The following KALRN variants were observed in gnomAD, a reference collection of about 807,000 sequenced individuals.
KALRN encodes the protein kalirin RhoGEF kinase, also known as kalirin.
A neutral mutation model predicts 353.7 loss-of-function variants in KALRN; 70 were observed. The ratio of observed to expected loss-of-function variants is 0.20; its 90% confidence interval spans 0.16 to 0.24. KALRN has a LOEUF of 0.24. Ranked by LOEUF, KALRN falls within the 10% of genes least tolerant of loss-of-function variation. The pLI is 1.00. For missense variants in KALRN, 2,791 were observed against 3,756.7 expected, an observed-to-expected ratio of 0.74 and a Z score of 6.72; for synonymous variants, 1,391 against 1,434.8, an observed-to-expected ratio of 0.97 and a Z score of 0.69.
chr3:124,264,389 AAG>A (rs545247502), intron 3 of KALRN, 107 bp from the exon 4 acceptor site: 5 of 872,620 alleles, frequency 5.7e-6, no homozygotes, highest in Non-Finnish European at 8.8e-6. Context: ...ATGAAGTTGA[AAG>A]AGTGATTCTG....
chr3:124,612,698 TTTC>T (rs2078136338), intron 34 of KALRN, among the ~76,000 whole-genome samples: 1 of 152,126 alleles, frequency 6.6e-6, no homozygotes, highest in South Asian at 2.1e-4. Context: ...CATTTGTTAG[TTTC>T]TTATCTGACT....
chr3:124,482,439 C>G (rs2062079096), intron 27 of KALRN, among the ~76,000 whole-genome samples: 4 of 152,262 alleles, frequency 2.6e-5, no homozygotes, highest in Admixed American at 1.3e-4. Flanking sequence ...TCTCATCTCC[C>G]CTTTTTGGAA....
intron 33 of KALRN, among the ~76,000 whole-genome samples, chr3:124,511,247 C>G (rs1054377735): frequency 6.6e-6 from 1 of 152,198 alleles, no homozygotes; most frequent in South Asian, 2.1e-4. Context: ...GTTGAACACT[C>G]TCTGTTCCTA....
chr3:124,576,332 G>T (rs543136845), intron 34 of KALRN, among the ~76,000 whole-genome samples: 3 of 152,130 alleles, frequency 2.0e-5, no homozygotes, highest in East Asian at 1.9e-4. Context: ...AACAGTAGCT[G>T]CCATGTAAGA....
chr3:124,234,511 C>T lies in KALRN; in HGVS notation c.149-318C>T, dbSNP rs376102938. On this transcript the variant is annotated intron_variant, in intron 2 of 59. Coordinates refer to ENST00000682506, the MANE Select transcript of KALRN (RefSeq NM_001388419.1). ...TATCACCATTTTCATTATCATCTCA[C>T]ATTTGTAGAGAGCTTTACTTTTCCA... 6.6e-5 allele frequency among the ~76,000 whole-genome samples: 10 copies of T among 152,316 alleles called. No homozygotes were observed. The South Asian group carries it at 2.1e-3, about 32-fold the overall frequency.
At chr3:124,489,986 G>A (rs1269488761) in intron 29 of KALRN, among the ~76,000 whole-genome samples, 2 of 152,228 alleles carry the variant, frequency 1.3e-5, no homozygotes, top group African/African-American at 4.8e-5. Flanking sequence ...AATTAAGGTA[G>A]GTCAGGCACA....
intron 34 of KALRN, among the ~76,000 whole-genome samples, chr3:124,593,545 T>G (rs1486936099): frequency 6.6e-6 from 1 of 152,136 alleles, no homozygotes; most frequent in African/African-American, 2.4e-5. Flanking sequence ...AGTCTTGTCT[T>G]TTTCTTTTTG....
intron 34 of KALRN, among the ~76,000 whole-genome samples, chr3:124,597,559 G>T (rs535789920): frequency 6.6e-6 from 1 of 152,136 alleles, no homozygotes; most frequent in Non-Finnish European, 1.5e-5. Flanking sequence ...GAGCAAAGCA[G>T]CAGGGATATT....
chr3:124,234,778 T>TAGC, intron 2 of KALRN, 51 bp from the exon 3 acceptor site: 2 of 1,397,492 alleles, frequency 1.4e-6, no homozygotes, highest in Non-Finnish European at 2.0e-6. Context: ...CTCTGTGGCT[T>TAGC]TCCTTTCTGA....
At chr3:124,096,315 G>A (rs539968553) in intron 1 of KALRN, 2 of 152,320 alleles carry the variant, frequency 1.3e-5, no homozygotes, top group East Asian at 3.9e-4. Flanking sequence ...ACTTATCCCA[G>A]TGCATGGCAC....
chr3:124,086,821 C>G (rs1394579677), intron 1 of KALRN, among the ~76,000 whole-genome samples: 9 of 152,072 alleles, frequency 5.9e-5, no homozygotes, highest in African/African-American at 2.2e-4. Context: ...TCTCGGGAAC[C>G]CTCCCAGTAT....
chr3:124,565,069 T>G (rs35847329), intron 34 of KALRN, among the ~76,000 whole-genome samples: 13,181 of 152,238 alleles, frequency 0.087, 746 homozygotes, highest in South Asian at 0.12. Context: ...TTTAAAACAC[T>G]CCGGTGTCTG....
At chr3:124,041,819 A>G (rs945731912) in intron 1 of KALRN, among the ~76,000 whole-genome samples, 3 of 152,222 alleles carry the variant, frequency 2.0e-5, no homozygotes, top group African/African-American at 7.2e-5. Context: ...TGTCGGATCA[A>G]TAGAGCTGCT....
chr3:124,680,927 A>C (rs1313456132), intron 51 of KALRN, among the ~76,000 whole-genome samples: 4 of 152,194 alleles, frequency 2.6e-5, no homozygotes, highest in Non-Finnish European at 5.9e-5. Context: ...CTTGCATTTC[A>C]CAGGATAGGC....
chr3:124,535,757 G>A (rs1207092541), intron 33 of KALRN, among the ~76,000 whole-genome samples: 1 of 152,200 alleles, frequency 6.6e-6, no homozygotes, highest in South Asian at 2.1e-4. Context: ...AGCCCCAGGT[G>A]ACACCGGCTT....
At chr3:124,393,624 G>A (rs575558204) in intron 11 of KALRN, among the ~76,000 whole-genome samples, 2 of 152,274 alleles carry the variant, frequency 1.3e-5, no homozygotes, top group South Asian at 4.1e-4. Context: ...TAATGCTGTA[G>A]GCTTATTAAT....
intron 34 of KALRN, among the ~76,000 whole-genome samples, chr3:124,581,403 A>AAAAC (rs2074618335): frequency 6.6e-6 from 1 of 151,674 alleles, no homozygotes; most frequent in Non-Finnish European, 1.5e-5. Flanking sequence ...AAAAAAAAAA[A>AAAAC]AAGTATCGGT....
chr3:124,159,058 T>C (rs1056092996), intron 1 of KALRN, among the ~76,000 whole-genome samples: 2 of 152,174 alleles, frequency 1.3e-5, no homozygotes, highest in Non-Finnish European at 2.9e-5. Flanking sequence ...CCCTCTGCAG[T>C]GAAACCCACC....
intron 1 of KALRN, among the ~76,000 whole-genome samples, chr3:124,115,394 G>T (rs891874539): frequency 1.3e-5 from 2 of 152,188 alleles, no homozygotes; most frequent in African/African-American, 4.8e-5. Context: ...AGGCAGGGCT[G>T]CAGGCCATGA....
Sources: gnomAD v4.1 joint callset for allele counts (sites outside exome capture counted in the v4.1 genomes callset) on GRCh38, gnomAD v4.1.1 for gene constraint, MANE v1.5 for transcripts, NCBI Gene and HGNC (gene_info 2026-07-23, HGNC 2026-07-21) for gene names.